LRP1B: variants seen among roughly 807,000 people sequenced by gnomAD.
LRP1B encodes the protein low-density lipoprotein receptor-related protein 1B.
LRP1B carries 217 observed loss-of-function variants against 556.6 expected under a neutral mutation model. The observed-to-expected ratio is 0.39, with a 90% CI of 0.35 to 0.44. The LOEUF (loss-of-function observed/expected upper bound fraction) is 0.44, where lower values mean the gene tolerates loss of function less well. LRP1B is among the 20% of genes least tolerant of loss of function. The pLI is 1.00. For synonymous variants in LRP1B, 2,047 were observed against 1,865.8 expected (o/e 1.10, Z -2.50); for missense variants, 5,053 against 5,620.8 (o/e 0.90, Z 3.23).
intron 23 of LRP1B, among the ~76,000 whole-genome samples, chr2:140,892,949 T>A (rs1482975256): frequency 6.6e-6 from 1 of 152,074 alleles, no homozygotes; most frequent in Admixed American, 6.6e-5. Context: ...GAAACATAGA[T>A]TTTTATAAGA....
chr2:142,042,208 T>A (rs1704089838), intron 1 of LRP1B, among the ~76,000 whole-genome samples: 1 of 151,350 alleles, frequency 6.6e-6, no homozygotes, highest in Non-Finnish European at 1.5e-5. Flanking sequence ...TAAGCCTTAC[T>A]TGGCAGTAAT....
intron 3 of LRP1B, among the ~76,000 whole-genome samples, chr2:141,423,673 A>G (rs897940264): frequency 1.3e-5 from 2 of 152,106 alleles, no homozygotes; most frequent in African/African-American, 2.4e-5. Flanking sequence ...GCACCCCCAG[A>G]ACTCACTGTG....
intron 77 of LRP1B, among the ~76,000 whole-genome samples, chr2:140,338,452 G>A (rs1481544891): frequency 6.6e-6 from 1 of 151,670 alleles, no homozygotes; most frequent in East Asian, 1.9e-4. Flanking sequence ...CCTATCAGAA[G>A]GTGACAACAT....
intron 72 of LRP1B, among the ~76,000 whole-genome samples, chr2:140,362,051 C>A (rs947946091): frequency 9.2e-5 from 14 of 151,528 alleles, no homozygotes; most frequent in African/African-American, 3.1e-4. Context: ...TCATTTAATC[C>A]AATTTATTCT....
In LRP1B at chr2:141,445,248, C is replaced by T. The variant is rs183268019; in HGVS notation, c.343+35148G>A. 4.3e-3 allele frequency among the ~76,000 whole-genome samples: 650 copies of T among 152,110 alleles called. 2 individuals carry two copies. The highest frequency in any genetic ancestry group is 0.014 in the African/African-American group (582 of 41,526). ...TTACAATATTCTCTGATGGTAGTTT[C>T]TATTTCTGTGGGATCAGTGGTGTTA... is the stretch of plus-strand genomic sequence containing the variant. On this transcript the variant is annotated intron_variant, in intron 3 of 90. Coordinates refer to ENST00000389484, the MANE Select transcript of LRP1B (RefSeq NM_018557.3).
At chr2:141,422,578 GCA>G (rs1275240418) in intron 3 of LRP1B, among the ~76,000 whole-genome samples, 3 of 152,004 alleles carry the variant, frequency 2.0e-5, no homozygotes, top group African/African-American at 7.2e-5. Flanking sequence ...ATACACACAT[GCA>G]CACACACATA....
chr2:141,149,400 G>C (rs1320727669), intron 7 of LRP1B, among the ~76,000 whole-genome samples: 1 of 152,108 alleles, frequency 6.6e-6, no homozygotes, highest in Admixed American at 6.5e-5. Context: ...CATTTTGCTA[G>C]CCTAATAACC....
intron 1 of LRP1B, among the ~76,000 whole-genome samples, chr2:142,027,139 T>C (rs1703534373): frequency 6.6e-6 from 1 of 152,024 alleles, no homozygotes; most frequent in South Asian, 2.1e-4. Flanking sequence ...CGCATATATC[T>C]GGCCATGTGA....
chr2:141,396,439 C>T (rs75492574), intron 3 of LRP1B, among the ~76,000 whole-genome samples: 2,960 of 152,052 alleles, frequency 0.019, 108 homozygotes, highest in African/African-American at 0.068. Flanking sequence ...ATGAGCTGGG[C>T]GATATTTTGC....
At chr2:141,166,975 A>C (rs561900090) in intron 7 of LRP1B, among the ~76,000 whole-genome samples, 94 of 152,008 alleles carry the variant, frequency 6.2e-4, no homozygotes, top group Non-Finnish European at 1.2e-3. Flanking sequence ...TGGAACCTCT[A>C]TACTTCAGAA....
At chr2:140,530,157 C>G (rs1426490370) in intron 47 of LRP1B, among the ~76,000 whole-genome samples, 1 of 152,108 alleles carries the variant, frequency 6.6e-6, no homozygotes, top group Non-Finnish European at 1.5e-5. Flanking sequence ...TAGCCTCTTA[C>G]TACAGTCTAT....
At chr2:141,901,140 C>T (rs180856450) in intron 1 of LRP1B, among the ~76,000 whole-genome samples, 1 of 152,162 alleles carries the variant, frequency 6.6e-6, no homozygotes, top group Admixed American at 6.6e-5. Context: ...CTCTAACAGG[C>T]TTACAGGACA....
At chr2:141,514,621 A>G (rs951296471) in intron 2 of LRP1B, among the ~76,000 whole-genome samples, 2 of 152,156 alleles carry the variant, frequency 1.3e-5, no homozygotes, top group African/African-American at 4.8e-5. Flanking sequence ...AATTATGATA[A>G]GGTTATATCC....
chr2:141,579,622 A>T (rs1686888221), intron 2 of LRP1B, among the ~76,000 whole-genome samples: 1 of 152,060 alleles, frequency 6.6e-6, no homozygotes. Context: ...TTGAATTCAA[A>T]TTAATAAAAT....
intron 2 of LRP1B, among the ~76,000 whole-genome samples, chr2:141,549,156 A>G (rs983594784): frequency 2.6e-5 from 4 of 152,184 alleles, no homozygotes; most frequent in Admixed American, 2.6e-4. Context: ...GAGTTAGACA[A>G]CAAAGTTTCA....
chr2:140,747,560 A>G (rs916335076), intron 35 of LRP1B, among the ~76,000 whole-genome samples: 35 of 152,290 alleles, frequency 2.3e-4, no homozygotes, highest in African/African-American at 8.2e-4. Flanking sequence ...ATCTCCCTCA[A>G]TGGAGAAATT....
At chr2:142,099,431 CAT>C (rs1706495480) in intron 1 of LRP1B, among the ~76,000 whole-genome samples, 1 of 151,836 alleles carries the variant, frequency 6.6e-6, no homozygotes, top group African/African-American at 2.4e-5. Flanking sequence ...ACAATATTAA[CAT>C]GAGTTGGAGG....
Position 141,959,631 on chromosome 2 carries a change from ATTAACT to A in LRP1B, c.83-149236_83-149231del, listed in dbSNP as rs1034331612. Among the ~76,000 whole-genome samples the A allele has an allele frequency of 5.3e-5, 8 of 152,102 alleles. No individual in the cohort carries two copies. In the East Asian group the frequency reaches 1.2e-3, roughly 22 times the overall value. The stretch of plus-strand genomic sequence containing the variant: ...AAATTATCGTATTAACACAGGTAAA[ATTAACT>A]TTAAAATGTATTTTATTTAATAAAA... On this transcript the variant is annotated intron_variant, in intron 1 of 90. Coordinates refer to ENST00000389484, the MANE Select transcript of LRP1B (RefSeq NM_018557.3).
At chr2:140,542,175 T>C (rs1171698815) in intron 43 of LRP1B, among the ~76,000 whole-genome samples, 1 of 152,094 alleles carries the variant, frequency 6.6e-6, no homozygotes, top group Non-Finnish European at 1.5e-5. Context: ...TGTTAGTGCT[T>C]GCAGTGTGTT....
Sources: gnomAD v4.1 joint callset for allele counts (sites outside exome capture counted in the v4.1 genomes callset) on GRCh38, gnomAD v4.1.1 for gene constraint, MANE v1.5 for transcripts, NCBI Gene and HGNC (gene_info 2026-07-23, HGNC 2026-07-21) for gene names.